The following SCART1 variants were observed in gnomAD, a reference collection of about 807,000 sequenced individuals.
The protein encoded by SCART1 is scavenger receptor cysteine-rich domain-containing protein SCART1.
SCART1 carries 62 observed loss-of-function variants against 36.2 expected under a neutral mutation model. The ratio of observed to expected loss-of-function variants is 1.71; its 90% CI spans 1.40 to 2.12. The LOEUF is 2.12. Ranked by LOEUF, SCART1 falls within the 30% of genes most tolerant of loss-of-function variation. SCART1 has a pLI of 0.00. For missense variants in SCART1, 1,041 were observed against 540.5 expected (o/e 1.93, Z -9.18); for synonymous variants, 487 against 238.7 (o/e 2.04, Z -9.59).
chr10:133,461,271 T>C (rs565463058), intron 6 of SCART1, among the ~76,000 whole-genome samples: 1 of 150,408 alleles, frequency 6.6e-6, no homozygotes, highest in Non-Finnish European at 1.5e-5. Context: ...TGACCTGCGG[T>C]CTCCTGAGAG....
intron 3 of SCART1, chr10:133,457,871 C>T: frequency 1.8e-6 from 1 of 541,636 alleles, no homozygotes; most frequent in Non-Finnish European, 3.3e-6. Context: ...GCATGTCTAA[C>T]ATGGATCGGG....
chr10:133,459,131 G>A (rs375970203), exon 5 of SCART1: 40 of 702,902 alleles, frequency 5.7e-5, no homozygotes, highest in Admixed American at 1.4e-4. Flanking sequence ...AGATGCCACC[G>A]TCCTCTGCCA....
intron 6 of SCART1, 79 bp from the exon 7 acceptor site, chr10:133,464,527 G>A: frequency 1.7e-6 from 1 of 605,334 alleles, no homozygotes; most frequent in Non-Finnish European, 2.9e-6. Flanking sequence ...GGGACCCCTT[G>A]AGCTTAGCCC....
intron 2 of SCART1, 176 bp from the exon 3 acceptor site, chr10:133,457,103 T>C (rs1025162526): frequency 3.4e-6 from 2 of 591,114 alleles, no homozygotes; most frequent in Non-Finnish European, 6.0e-6. Flanking sequence ...CAGCAGAGCA[T>C]GAAGCTGGGC....
chr10:133,455,326 G>A (rs1383745382), intron 1 of SCART1, among the ~76,000 whole-genome samples: 2 of 152,148 alleles, frequency 1.3e-5, no homozygotes, highest in African/African-American at 4.8e-5. Context: ...ACCAGGTGGG[G>A]AGGGTGATGA....
chr10:133,456,434 C>T lies in SCART1; in HGVS notation c.265C>T (p.Gln89Ter). The T allele has an allele frequency of 2.8e-6, 2 of 702,822 alleles. No individual in the cohort carries two copies. The highest frequency in any genetic ancestry group is 5.2e-6 in the Non-Finnish European group (2 of 384,908). The allele number at this position is 702,822 out of a possible 1,614,324, so 43.5% of individuals were successfully genotyped here. ...TGTCCCGCTGCCTGGAGAGATGGCC[C>T]AGCCCTGGCTTCACAACGTGTCCTG... Residue 89 changes from glutamine to a stop codon, truncating the protein, a stop_gained, in exon 2 of 12, where the codon CAG becomes TAG. Transcript: ENST00000640237. LOFTEE classifies it high-confidence loss of function.
In SCART1 at chr10:133,454,598, G is replaced by C. The variant is rs541049054; in HGVS notation, c.67+534G>C. On this transcript the variant is annotated intron_variant, in intron 1 of 11. Transcript: ENST00000640237. Reference sequence around the variant, plus strand: ...GGTCTAGCTAGAAGGAACAGCAGGAGAGGCTGGAGGTGAGAGGGAGCCCCG... The same window carrying C: ...GGTCTAGCTAGAAGGAACAGCAGGACAGGCTGGAGGTGAGAGGGAGCCCCG... Among the ~76,000 whole-genome samples, 3 of 152,262 alleles carry C rather than the reference G, an allele frequency of 2.0e-5. No individual in the cohort carries two copies. The East Asian group carries it at 5.8e-4, about 29-fold the overall frequency.
chr10:133,456,497 G>C, exon 2 of SCART1: 1 of 695,866 alleles, frequency 1.4e-6, no homozygotes, highest in Non-Finnish European at 2.6e-6. Context: ...GTGCAGCCTT[G>C]GCTCATGGTG....
At chr10:133,465,344 A>T in exon 9 of SCART1, 1 of 688,640 alleles carries the variant, frequency 1.5e-6, no homozygotes, top group South Asian at 1.5e-5. Flanking sequence ...GTGTGCGACG[A>T]TGGCTGGGAC....
intron 6 of SCART1, among the ~76,000 whole-genome samples, chr10:133,461,712 C>T (rs1332645311): frequency 6.6e-6 from 1 of 152,152 alleles, no homozygotes; most frequent in Non-Finnish European, 1.5e-5. Context: ...CTTGTTTTCT[C>T]CTAATGACAT....
At position 133,465,143 on chromosome 10, in the gene SCART1, CCTCAACTG is replaced by C. The variant is rs1371169111; in HGVS notation, c.2317_2324del (p.Asn773LeufsTer175). The C allele has an allele frequency of 1.4e-6, 1 of 703,026 alleles. No individual in the cohort carries two copies. Among genetic ancestry groups the C allele is most frequent in the East Asian group, 2.7e-5 (1 of 37,278 alleles). 43.5% of individuals were successfully genotyped at this position (703,026 alleles called of 1,614,324 possible). ...ACAGGCCACAGGCTGCTGGGGAGCCCCTCAACTGCTCCTCCTGGCTCGGCTGCCCAGGT... is the reference window on the plus strand; with the variant it reads ...ACAGGCCACAGGCTGCTGGGGAGCCCCTCCTCCTGGCTCGGCTGCCCAGGT... On this transcript the variant is annotated frameshift_variant, in exon 8 of 12. Transcript: ENST00000640237. LOFTEE classifies it high-confidence loss of function.
chr10:133,460,496 A>ATATATATATATATATTTTTTTTT, intron 6 of SCART1, among the ~76,000 whole-genome samples: 1 of 136,014 alleles, frequency 7.4e-6, no homozygotes, highest in Non-Finnish European at 1.6e-5. Flanking sequence ...ATATTTATAT[A>ATATATATATATATATTTTTTTTT]TTTTAAAAAA....
At chr10:133,462,275 C>T (rs1850711560) in intron 6 of SCART1, among the ~76,000 whole-genome samples, 1 of 152,206 alleles carries the variant, frequency 6.6e-6, no homozygotes, top group Admixed American at 6.5e-5. Flanking sequence ...AGGGTACAAA[C>T]TTTGATTGTT....
At chr10:133,455,444 C>T (rs1850596449) in intron 1 of SCART1, among the ~76,000 whole-genome samples, 1 of 151,862 alleles carries the variant, frequency 6.6e-6, no homozygotes, top group African/African-American at 2.4e-5. Flanking sequence ...GCAGGGTCCC[C>T]CCTCTGCTCC....
chr10:133,468,751 C>T (rs548089444), exon 12 of SCART1: 1 of 152,200 alleles, frequency 6.6e-6, no homozygotes, highest in Non-Finnish European at 1.5e-5. Flanking sequence ...GATTGATTTT[C>T]ATATGTTAAA....
chr10:133,467,902 A>T (rs1486638404), exon 12 of SCART1: 3 of 700,480 alleles, frequency 4.3e-6, no homozygotes, highest in Non-Finnish European at 7.8e-6. Flanking sequence ...CGGAGGGAGG[A>T]CACAGCAGAC....
At chr10:133,456,261 C>T (rs780770414) in exon 2 of SCART1, 73 of 702,492 alleles carry the variant, frequency 1.0e-4, no homozygotes, top group Non-Finnish European at 1.5e-4. Flanking sequence ...CTGAGGCTGG[C>T]GTACAGACAC....
chr10:133,455,430 C>A (rs1850596244), intron 1 of SCART1, among the ~76,000 whole-genome samples: 1 of 151,962 alleles, frequency 6.6e-6, no homozygotes, highest in Non-Finnish European at 1.5e-5. Flanking sequence ...TCATCTTGGA[C>A]CAGGCAGGGT....
At chr10:133,455,466 G>A (rs998068185) in intron 1 of SCART1, among the ~76,000 whole-genome samples, 12 of 151,894 alleles carry the variant, frequency 7.9e-5, no homozygotes, top group African/African-American at 2.2e-4. Context: ...GACTGCCATC[G>A]GGGAGGCTCT....
Sources: gnomAD v4.1 joint callset for allele counts (sites outside exome capture counted in the v4.1 genomes callset) on GRCh38, gnomAD v4.1.1 for gene constraint, MANE v1.5 for transcripts, NCBI Gene and HGNC (gene_info 2026-07-23, HGNC 2026-07-21) for gene names.